The following PCDHGB1 variants were observed in gnomAD, a reference collection of about 807,000 sequenced individuals.
PCDHGB1 encodes protocadherin gamma-B1.
In PCDHGB1, 34 loss-of-function variants were observed where a neutral mutation model predicts 56.6. The ratio of observed to expected loss-of-function variants is 0.60; its 90% CI spans 0.46 to 0.80. The LOEUF (loss-of-function observed/expected upper bound fraction) is 0.80, where lower values mean the gene tolerates loss of function less well. PCDHGB1 is among the 30% of genes least tolerant of loss of function. The pLI is 0.00. For synonymous variants in PCDHGB1, 561 were observed against 505.9 expected, an observed-to-expected ratio of 1.11 and a Z score of -1.46; for missense variants, 1,278 against 1,204.6, an observed-to-expected ratio of 1.06 and a Z score of -0.90.
Position 141,491,652 on chromosome 5 carries a change from G to T in PCDHGB1, c.2410-3155G>T. ...AGCAGCCCACAGCTCTGGCGCTGGA[G>T]CCTGACGCCATCCGGTCCCGCTCTA... On this transcript the variant is annotated intron_variant, in intron 1 of 3. Transcript: ENST00000523390. The surrounding 1 kb of genome is among the most constrained non-coding windows in gnomAD (Gnocchi z 6.9). The T allele has an allele frequency of 6.2e-7, 1 of 1,613,844 alleles. No homozygotes were observed.
Position 141,486,544 on chromosome 5 carries a change from G to C in PCDHGB1, c.2410-8263G>C, listed in dbSNP as rs1376583724. Reference sequence around the variant, plus strand: ...ATGATAATCCACCCTCTTTCTTTCAGAGGTCACATGAGGTGTTTGTTCCTG... The same window carrying C: ...ATGATAATCCACCCTCTTTCTTTCACAGGTCACATGAGGTGTTTGTTCCTG... On this transcript the variant is annotated intron_variant, in intron 1 of 3. Coordinates refer to ENST00000523390, the MANE Select transcript of PCDHGB1 (RefSeq NM_018922.3). The surrounding 1 kb of genome is among the most constrained non-coding windows in gnomAD (Gnocchi z 5.0). The C allele has an allele frequency of 6.2e-7, 1 of 1,613,964 alleles. No homozygotes were observed. The highest frequency in any genetic ancestry group is 1.3e-5 in the African/African-American group (1 of 74,932).
At chr5:141,370,350 A>C in intron 1 of PCDHGB1, 1 of 1,496,328 alleles carries the variant, frequency 6.7e-7, no homozygotes, top group Non-Finnish European at 9.0e-7. Context: ...TTATTTAAAG[A>C]TCTCCTCTCC....
At chr5:141,366,193 G>T (rs1192545271) in intron 1 of PCDHGB1, 2 of 1,613,934 alleles carry the variant, frequency 1.2e-6, no homozygotes, top group Admixed American at 3.3e-5. Flanking sequence ...CGGTTGGGCT[G>T]CACACGGGCG....
At chr5:141,374,898 G>T in intron 1 of PCDHGB1, 3 of 1,613,794 alleles carry the variant, frequency 1.9e-6, no homozygotes, top group Non-Finnish European at 2.5e-6. Context: ...CAGGATGAAG[G>T]AGTCCACGGG....
intron 1 of PCDHGB1, among the ~76,000 whole-genome samples, chr5:141,472,967 C>G (rs1040253926): frequency 1.7e-5 from 1 of 58,336 alleles, no homozygotes; most frequent in South Asian, 5.1e-4. Flanking sequence ...GCCTGGGGAA[C>G]AAGAGTGAAA....
At chr5:141,430,252 A>C (rs1292590200) in intron 1 of PCDHGB1, among the ~76,000 whole-genome samples, 1 of 102,244 alleles carries the variant, frequency 9.8e-6, no homozygotes, top group Admixed American at 1.0e-4. Context: ...CTAGGGAGAC[A>C]TCTCCATAAT....
intron 1 of PCDHGB1, among the ~76,000 whole-genome samples, chr5:141,381,361 G>A (rs1050283609): frequency 6.6e-6 from 1 of 152,198 alleles, no homozygotes; most frequent in Admixed American, 6.5e-5. Context: ...CTAGCAGAGG[G>A]TAGCCTCGGA....
intron 1 of PCDHGB1, among the ~76,000 whole-genome samples, chr5:141,359,306 G>A (rs1761168540): frequency 6.6e-6 from 1 of 152,084 alleles, no homozygotes; most frequent in African/African-American, 2.4e-5. Context: ...AGCATATTCA[G>A]GTGTTGGCAT....
intron 1 of PCDHGB1, chr5:141,374,770 G>C (rs750704696): frequency 1.2e-6 from 2 of 1,613,694 alleles, no homozygotes; most frequent in Non-Finnish European, 1.7e-6. Flanking sequence ...CCCAAATTCT[G>C]GTAACAGTTC....
In PCDHGB1 at chr5:141,400,299, A is replaced by G. The variant is rs374558900; in HGVS notation, c.2409+47630A>G. The G allele has an allele frequency of 9.8e-5, 158 of 1,613,834 alleles. 1 individual carries two copies. In the East Asian group the frequency reaches 1.2e-3, roughly 12 times the overall value. ...GCCCTGCCGCCTGGAGCTGCTTCCAACCTGGTCTCTGTGTCAAGTCTGGAC... is the reference window on the plus strand; with the variant it reads ...GCCCTGCCGCCTGGAGCTGCTTCCAGCCTGGTCTCTGTGTCAAGTCTGGAC... On this transcript the variant is annotated intron_variant, in intron 1 of 3. Coordinates refer to ENST00000523390, the MANE Select transcript of PCDHGB1 (RefSeq NM_018922.3).
At chr5:141,467,361 G>T (rs555435172) in intron 1 of PCDHGB1, among the ~76,000 whole-genome samples, 2 of 151,742 alleles carry the variant, frequency 1.3e-5, no homozygotes, top group Non-Finnish European at 2.9e-5. Flanking sequence ...CCAAATCAAC[G>T]TTTTCTTATA....
At chr5:141,362,916 A>G (rs17097238) in intron 1 of PCDHGB1, among the ~76,000 whole-genome samples, 21,522 of 152,218 alleles carry the variant, frequency 0.14, 2,117 homozygotes, top group African/African-American at 0.29. Context: ...ATAATACTTC[A>G]GAGTAAAGAG....
intron 2 of PCDHGB1, among the ~76,000 whole-genome samples, chr5:141,498,371 C>T (rs188547878): frequency 6.6e-6 from 1 of 151,838 alleles, no homozygotes; most frequent in Admixed American, 6.6e-5. Flanking sequence ...TGTGGTGAGG[C>T]CTCCTGGGAT....
chr5:141,403,007 C>T (rs774624797), intron 1 of PCDHGB1: 10 of 1,613,940 alleles, frequency 6.2e-6, no homozygotes, highest in Non-Finnish European at 8.5e-6. Context: ...GCTATGCTCG[C>T]TCCTGGGGAT....
Position 141,352,663 on chromosome 5 carries a change from T to G in PCDHGB1, c.2403T>G (p.Ser801=). 2 of 1,589,980 alleles carry G rather than the reference T, an allele frequency of 1.3e-6. No individual in the cohort carries two copies. The highest frequency in any genetic ancestry group is 1.7e-6 in the Non-Finnish European group (2 of 1,167,318). ...DHKIAYDPSL[S]SHQAPPNTDW... ...AAATCGCTTATGACCCTTCTTTGTC[T>G]TCGCACGTGAGTTTCTGCAAATCTA... Residue 801 remains serine, a synonymous_variant, in exon 1 of 4, where the codon TCT becomes TCG. Coordinates refer to ENST00000523390, the MANE Select transcript of PCDHGB1 (RefSeq NM_018922.3).
rs1368632691 is a variant in PCDHGB1 at position 141,485,071 on chromosome 5, C to A, written c.2410-9736C>A. ...GCCGGCCGAACCGCGCCAGAGCTGG[C>A]GCGGGGAAAGGGAGATAGGTGTCTC... On this transcript the variant is annotated intron_variant, in intron 1 of 3. Coordinates refer to ENST00000523390, the MANE Select transcript of PCDHGB1 (RefSeq NM_018922.3). This position sits in a 1 kb window ranked among gnomAD's most constrained non-coding sequence, Gnocchi z 5.7. 3.3e-6 allele frequency: 3 copies of A among 913,030 alleles called. No individual in the cohort carries two copies. Among genetic ancestry groups the A allele is most frequent in the Non-Finnish European group, 5.1e-6 (3 of 584,604 alleles). 56.6% of individuals were successfully genotyped at this position (913,030 alleles called of 1,614,324 possible).
At position 141,371,452 on chromosome 5, in the gene PCDHGB1, C is replaced by A. The variant is rs1430739263; in HGVS notation, c.2409+18783C>A. The stretch of plus-strand genomic sequence containing the variant: ...CCGGAGATAACCCTGGCTTCTGAAT[C>A]CCAACATATACAAGAAGATGCTGAG... On this transcript the variant is annotated intron_variant, in intron 1 of 3. Coordinates refer to ENST00000523390, the MANE Select transcript of PCDHGB1 (RefSeq NM_018922.3). 3.7e-6 allele frequency: 6 copies of A among 1,613,858 alleles called. No homozygotes were observed. In the Admixed American group the frequency reaches 8.3e-5, roughly 22 times the overall value.
At chr5:141,364,352 T>C in intron 1 of PCDHGB1, 1 of 1,551,202 alleles carries the variant, frequency 6.4e-7, no homozygotes, top group Non-Finnish European at 8.7e-7. Context: ...ACCTAGGGGC[T>C]GGGGCTGCGG....
At chr5:141,413,381 G>T in intron 1 of PCDHGB1, 2 of 1,613,946 alleles carry the variant, frequency 1.2e-6, no homozygotes, top group Admixed American at 1.7e-5. Context: ...CGCGGAGTCC[G>T]CATAGTCTCC....
Sources: allele counts gnomAD v4.1 joint callset (sites outside exome capture counted in the v4.1 genomes callset), GRCh38; gene constraint gnomAD v4.1.1; non-coding constraint Gnocchi (gnomAD v3.1); transcripts MANE v1.5; gene names NCBI Gene and HGNC (gene_info 2026-07-23, HGNC 2026-07-21).